Variants in TP63 observed in about 807,000 individuals in gnomAD.
TP63 encodes the protein tumor protein 63.
A neutral mutation model predicts 82.8 loss-of-function variants in TP63; 17 were observed. That is an observed-to-expected ratio of 0.21 (90% CI 0.14 to 0.31). The LOEUF is 0.31. TP63 is among the 10% of genes least tolerant of loss of function. The pLI, the probability that TP63 is intolerant of heterozygous loss-of-function variation, is 1.00. For missense variants in TP63, 648 were observed against 895.3 expected (o/e 0.72, Z 3.52); for synonymous variants, 330 against 321.7 (o/e 1.03, Z -0.28).
At chr3:189,671,494 T>C (rs1428710500) in intron 1 of TP63, among the ~76,000 whole-genome samples, 1 of 151,874 alleles carries the variant, frequency 6.6e-6, no homozygotes, top group Non-Finnish European at 1.5e-5. Context: ...TCTCAAAAGA[T>C]TAAAAACAAA....
intron 1 of TP63, among the ~76,000 whole-genome samples, chr3:189,714,730 T>A (rs1718833368): frequency 1.3e-5 from 2 of 152,170 alleles, no homozygotes; most frequent in South Asian, 4.1e-4. Context: ...AGGGCATACA[T>A]AAATGACAAA....
At chr3:189,611,419 G>A in the TP63 span, among the ~76,000 whole-genome samples, 1 of 152,104 alleles carries the variant, frequency 6.6e-6, no homozygotes, top group South Asian at 2.1e-4. Flanking sequence ...CCCATTGTTT[G>A]TTTTTGTCAG....
intron 1 of TP63, among the ~76,000 whole-genome samples, chr3:189,731,259 G>A (rs559400951): frequency 5.9e-5 from 9 of 152,180 alleles, no homozygotes; most frequent in Non-Finnish European, 8.8e-5. Flanking sequence ...CAGGAGAATC[G>A]CTTGAACCCA....
intron 1 of TP63, among the ~76,000 whole-genome samples, chr3:189,687,399 C>G (rs1227251805): frequency 6.6e-6 from 1 of 152,232 alleles, no homozygotes; most frequent in Non-Finnish European, 1.5e-5. Context: ...AATGATTCCA[C>G]ATTTGTGTCA....
At chr3:189,800,862 G>A (rs1274864488) in intron 3 of TP63, among the ~76,000 whole-genome samples, 1 of 151,988 alleles carries the variant, frequency 6.6e-6, no homozygotes, top group East Asian at 1.9e-4. Flanking sequence ...TTTTATAGAG[G>A]GGATGGAAGA....
At chr3:189,693,192 C>G (rs574790458) in intron 1 of TP63, among the ~76,000 whole-genome samples, 10 of 152,092 alleles carry the variant, frequency 6.6e-5, no homozygotes, top group Admixed American at 1.3e-4. Context: ...AATTTCATAT[C>G]TTATACTATT....
intron 12 of TP63, among the ~76,000 whole-genome samples, chr3:189,890,249 G>A (rs1339484831): frequency 3.3e-5 from 5 of 152,150 alleles, no homozygotes; most frequent in Admixed American, 3.3e-4. Context: ...TGTAATGATG[G>A]TGGCATCATC....
intron 10 of TP63, 146 bp from the exon 11 acceptor site, chr3:189,886,248 A>G: frequency 1.1e-6 from 1 of 943,194 alleles, no homozygotes; most frequent in Non-Finnish European, 1.6e-6. Context: ...GATGGAAACA[A>G]AATTAACTTC....
intron 3 of TP63, among the ~76,000 whole-genome samples, chr3:189,742,827 T>C (rs78352821): frequency 1.4e-4 from 22 of 152,318 alleles, no homozygotes; most frequent in Admixed American, 9.8e-4. Context: ...TTTATGTGTT[T>C]TTATAAAGCA....
chr3:189,757,936 G>A (rs909851616), intron 3 of TP63, among the ~76,000 whole-genome samples: 7 of 152,174 alleles, frequency 4.6e-5, no homozygotes, highest in Non-Finnish European at 1.0e-4. Flanking sequence ...TTGGGTGAAT[G>A]GGCTCAAGCA....
intron 4 of TP63, among the ~76,000 whole-genome samples, chr3:189,855,798 AT>A (rs147783960): frequency 6.6e-6 from 1 of 152,120 alleles, no homozygotes; most frequent in African/African-American, 2.4e-5. Context: ...GCAAGAAATC[AT>A]TTTTTTCCAG....
rs139857367 is a variant in TP63 at position 189,803,451 on chromosome 3, G to A, written c.325-4821G>A. On this transcript the variant is annotated intron_variant, in intron 3 of 13. Coordinates refer to ENST00000264731, the MANE Select transcript of TP63 (RefSeq NM_003722.5). Reference sequence around the variant, plus strand: ...AATACTTTTATAGGAAAATAATTACGTCATCAACTTTAAGTAAATATAAAT... The same window carrying A: ...AATACTTTTATAGGAAAATAATTACATCATCAACTTTAAGTAAATATAAAT... Among the ~76,000 whole-genome samples, 1,057 of 152,172 alleles carry A rather than the reference G, an allele frequency of 6.9e-3. 10 individuals carry two copies. The highest frequency in any genetic ancestry group is 0.023 in the African/African-American group (971 of 41,522).
chr3:189,722,384 C>T lies in TP63; in HGVS notation c.63-15356C>T, dbSNP rs114240628. On this transcript the variant is annotated intron_variant, in intron 1 of 13. Coordinates refer to ENST00000264731, the MANE Select transcript of TP63 (RefSeq NM_003722.5). ...GTCTTTAGTGTCAGCAATCCTTGGG[C>T]TGTAGTTCATCTGATAACAAGGTCA... Among the ~76,000 whole-genome samples the T allele has an allele frequency of 3.9e-3, 601 of 152,318 alleles. 5 individuals are homozygous for T. Among genetic ancestry groups the T allele is most frequent in the African/African-American group, 0.014 (575 of 41,576 alleles).
At chr3:189,701,522 C>CATATATAT (rs35031313) in intron 1 of TP63, among the ~76,000 whole-genome samples, 255 of 136,752 alleles carry the variant, frequency 1.9e-3, no homozygotes, top group African/African-American at 6.1e-3. Context: ...GATATATATA[C>CATATATAT]ATATATATAT....
chr3:189,662,864 G>A (rs1054464711), intron 1 of TP63, among the ~76,000 whole-genome samples: 6 of 151,936 alleles, frequency 3.9e-5, no homozygotes, highest in East Asian at 1.9e-4. Flanking sequence ...CCAAAGATAA[G>A]GAAACTGTTG....
chr3:189,886,371 T>C lies in TP63; in HGVS notation c.1350-23T>C, dbSNP rs1345186. 0.77 allele frequency: 1,233,995 copies of C among 1,611,378 alleles called. 475,797 individuals carry two copies. The highest frequency in any genetic ancestry group is 0.85 in the Middle Eastern group (5,143 of 6,056). ...CTCTTCAGTGTCCCTTGCTCACCAT[T>C]ATTTCCATGTTTGTCTTCCTAGGAC... On this transcript the variant is annotated intron_variant, in intron 10 of 13. Transcript: ENST00000264731.
chr3:189,769,014 C>T (rs1723147623), intron 3 of TP63, among the ~76,000 whole-genome samples: 1 of 152,108 alleles, frequency 6.6e-6, no homozygotes, highest in African/African-American at 2.4e-5. Context: ...TAACATCAGC[C>T]AAGTTATTTC....
chr3:189,814,956 T>G (rs1196146782), intron 4 of TP63, among the ~76,000 whole-genome samples: 1 of 152,160 alleles, frequency 6.6e-6, no homozygotes, highest in African/African-American at 2.4e-5. Flanking sequence ...ACTATTGATT[T>G]TAAAAATGAA....
At chr3:189,781,499 C>T (rs551462666) in intron 3 of TP63, among the ~76,000 whole-genome samples, 70 of 152,234 alleles carry the variant, frequency 4.6e-4, no homozygotes, top group African/African-American at 1.6e-3. Context: ...AAACCAGAGA[C>T]GGACGCTAGA....
Sources: allele counts gnomAD v4.1 joint callset (sites outside exome capture counted in the v4.1 genomes callset), GRCh38; gene constraint gnomAD v4.1.1; transcripts MANE v1.5; gene names NCBI Gene and HGNC (gene_info 2026-07-23, HGNC 2026-07-21).